ADCY5: variants seen among roughly 807,000 people sequenced by gnomAD.
The protein encoded by ADCY5 is adenylate cyclase 5.
In ADCY5, 30 loss-of-function variants were observed where a neutral mutation model predicts 119.7. That is an observed-to-expected ratio of 0.25 (90% CI 0.19 to 0.34). The LOEUF (loss-of-function observed/expected upper bound fraction) is 0.34. Ranked by LOEUF, ADCY5 falls within the 10% of genes least tolerant of loss-of-function variation. The pLI, the probability that ADCY5 is intolerant of heterozygous loss-of-function variation, is 1.00. For missense variants in ADCY5, 1,324 were observed against 1,775.2 expected, an observed-to-expected ratio of 0.75 and a Z score of 4.57; for synonymous variants, 753 against 762.2, an observed-to-expected ratio of 0.99 and a Z score of 0.20.
At chr3:123,306,268 C>T (rs987575411) in intron 12 of ADCY5, among the ~76,000 whole-genome samples, 4 of 152,202 alleles carry the variant, frequency 2.6e-5, no homozygotes, top group Non-Finnish European at 4.4e-5. Flanking sequence ...ACAAGCGTTC[C>T]AAGACAATGG....
intron 1 of ADCY5, chr3:123,368,026 T>A: frequency 1.4e-6 from 2 of 1,481,180 alleles, no homozygotes; most frequent in Non-Finnish European, 1.8e-6. Context: ...TCAGCAGGGA[T>A]CCAGGGGCCC....
chr3:123,336,699 C>T (rs1942044799), intron 3 of ADCY5, among the ~76,000 whole-genome samples: 1 of 152,216 alleles, frequency 6.6e-6, no homozygotes, highest in South Asian at 2.1e-4. Flanking sequence ...CTCCAACCTC[C>T]TGTGCCTGCC....
chr3:123,352,661 T>G lies in ADCY5; in HGVS notation c.1135-80A>C, dbSNP rs1942882322. The G allele has an allele frequency of 6.8e-7, 1 of 1,467,668 alleles. No homozygotes were observed. Among genetic ancestry groups the G allele is most frequent in the African/African-American group, 1.4e-5 (1 of 71,212 alleles). The allele number at this position is 1,467,668 out of a possible 1,614,324, so 90.9% of individuals were successfully genotyped here. ...AAGCATGAAGCCCTCAGCCCCTGTC[T>G]CAGCAAACTCACACCTGGCGCTAGC... On this transcript the variant is annotated intron_variant, in intron 1 of 20. Transcript: ENST00000462833. This position sits in a 1 kb window ranked among gnomAD's most constrained non-coding sequence, Gnocchi z 4.8.
rs540513130 is a variant in ADCY5 at position 123,295,882 on chromosome 3, G to A, written c.3063+202C>T. Among the ~76,000 whole-genome samples, 12 of 152,354 alleles carry A rather than the reference G, an allele frequency of 7.9e-5. No homozygotes were observed. The South Asian group carries it at 1.9e-3, about 24-fold the overall frequency. On this transcript the variant is annotated intron_variant, in intron 17 of 20. Coordinates refer to ENST00000462833, the MANE Select transcript of ADCY5 (RefSeq NM_183357.3). ...TTTGTCTGCACAGAGTAAGTCCCAG[G>A]GTTTTGCCTCTTGGCTCCAGAGTGC...
At chr3:123,411,936 C>G (rs988174699) in intron 1 of ADCY5, among the ~76,000 whole-genome samples, 6 of 152,156 alleles carry the variant, frequency 3.9e-5, no homozygotes, top group African/African-American at 1.4e-4. Flanking sequence ...GCCTGTGGGC[C>G]CAGGTACCAA....
At chr3:123,335,159 G>A (rs1199491320) in intron 3 of ADCY5, among the ~76,000 whole-genome samples, 1 of 152,032 alleles carries the variant, frequency 6.6e-6, no homozygotes, top group Non-Finnish European at 1.5e-5. Context: ...CCTACATACC[G>A]AGCCAGCGCA....
rs948431206 is a variant in ADCY5, at chr3:123,320,791, A to G, written c.2089-20T>C. On this transcript the variant is annotated intron_variant, in intron 8 of 20. Coordinates refer to ENST00000462833, the MANE Select transcript of ADCY5 (RefSeq NM_183357.3). ...AAAGCCCTAGAAGAGAAGGATAGAA[A>G]GAGAAAGAGAAGAGAATGAGAACAG... is the stretch of plus-strand genomic sequence containing the variant. 4 of 1,565,152 alleles carry G rather than the reference A, an allele frequency of 2.6e-6. No homozygotes were observed. The Admixed American group carries it at 5.1e-5, about 20-fold the overall frequency.
At chr3:123,291,478 C>T (rs192990118) in intron 17 of ADCY5, 102 bp from the exon 18 acceptor site, 98 of 1,423,538 alleles carry the variant, frequency 6.9e-5, no homozygotes, top group Admixed American at 4.3e-4. Context: ...GCACCAGTCA[C>T]GCAAATGCCA....
intron 18 of ADCY5, 128 bp from the exon 19 acceptor site, chr3:123,290,082 G>T: frequency 2.2e-6 from 2 of 910,968 alleles, no homozygotes; most frequent in Non-Finnish European, 3.4e-6. Flanking sequence ...ACACAGTGGG[G>T]CCTGTCTCCA....
intron 17 of ADCY5, among the ~76,000 whole-genome samples, chr3:123,294,790 G>C (rs4678003): frequency 6.6e-4 from 100 of 152,190 alleles, no homozygotes; most frequent in African/African-American, 2.3e-3. Context: ...GATGACGCAG[G>C]GAGTGACCTT....
chr3:123,360,201 G>C (rs1376691061), intron 1 of ADCY5, among the ~76,000 whole-genome samples: 1 of 151,844 alleles, frequency 6.6e-6, no homozygotes, highest in Non-Finnish European at 1.5e-5. Flanking sequence ...TCTCTGCTTG[G>C]GGGCTTTTGT....
At chr3:123,301,356 G>C (rs555752441) in intron 14 of ADCY5, among the ~76,000 whole-genome samples, 7 of 152,160 alleles carry the variant, frequency 4.6e-5, no homozygotes, top group African/African-American at 9.7e-5. Context: ...ATTGGATTGT[G>C]GGGGGAAGCC....
intron 1 of ADCY5, among the ~76,000 whole-genome samples, chr3:123,380,248 G>A (rs1943986155): frequency 6.6e-6 from 1 of 152,212 alleles, no homozygotes; most frequent in Non-Finnish European, 1.5e-5. Context: ...AACGTTTACA[G>A]GGAGCCAGCT....
chr3:123,347,496 A>C (rs1317512888), intron 3 of ADCY5, among the ~76,000 whole-genome samples: 1 of 152,054 alleles, frequency 6.6e-6, no homozygotes, highest in Non-Finnish European at 1.5e-5. Context: ...GCTCCTCCCC[A>C]AAGCGGCTGG....
At chr3:123,304,020 G>C in intron 13 of ADCY5, 47 bp downstream of exon 13, 1 of 1,321,576 alleles carries the variant, frequency 7.6e-7, no homozygotes, top group Non-Finnish European at 1.1e-6. Context: ...CACTGGGTTT[G>C]ATCCAATGGG....
intron 2 of ADCY5, among the ~76,000 whole-genome samples, chr3:123,349,477 G>A (rs62263787): frequency 1.1e-3 from 170 of 152,118 alleles, no homozygotes; most frequent in Non-Finnish European, 1.9e-3. Flanking sequence ...ACCCTGGACC[G>A]ACAGCCTCCC....
At chr3:123,314,735 C>A (rs1442341765) in intron 11 of ADCY5, among the ~76,000 whole-genome samples, 2 of 152,208 alleles carry the variant, frequency 1.3e-5, no homozygotes, top group African/African-American at 2.4e-5. Context: ...TCGTCACTCA[C>A]AGCTCCATAA....
Position 123,328,737 on chromosome 3 carries a change from T to C in ADCY5, c.1712A>G (p.His571Arg), listed in dbSNP as rs1941614769. Reference protein sequence around the residue: ...MRVGIHSGRVHCGVLGLRKWQ... With the variant: ...MRVGIHSGRVRCGVLGLRKWQ... ...CTTCCTGAGACCAAGGACACCGCAGTGTACTCGCCCGCTGTGAATTCCCAC... is the reference window on the plus strand; with the variant it reads ...CTTCCTGAGACCAAGGACACCGCAGCGTACTCGCCCGCTGTGAATTCCCAC... Residue 571 changes from histidine to arginine, a missense_variant, in exon 6 of 21, where the codon CAC (histidine) becomes CGC (arginine). By Grantham distance (29) the His-to-Arg change is conservative. Coordinates refer to ENST00000462833, the MANE Select transcript of ADCY5 (RefSeq NM_183357.3). 6.2e-7 allele frequency: 1 copy of C among 1,614,086 alleles called. No individual in the cohort carries two copies. The highest frequency in any genetic ancestry group is 8.5e-7 in the Non-Finnish European group (1 of 1,180,042).
At chr3:123,416,068 G>C (rs1252746572) in intron 1 of ADCY5, 4 of 1,140,216 alleles carry the variant, frequency 3.5e-6, no homozygotes, top group Admixed American at 2.6e-5. Flanking sequence ...CTAGGGTCAG[G>C]GGTTACAGTA....
Sources: gnomAD v4.1 joint callset for allele counts (sites outside exome capture counted in the v4.1 genomes callset) on GRCh38, gnomAD v4.1.1 for gene constraint, Gnocchi (gnomAD v3.1) non-coding constraint, MANE v1.5 for transcripts, NCBI Gene and HGNC (gene_info 2026-07-23, HGNC 2026-07-21) for gene names.